Variants in ADAM22 observed in about 807,000 individuals in gnomAD.
ADAM22 encodes ADAM metallopeptidase domain 22.
ADAM22 carries 65 observed loss-of-function variants against 144.6 expected under a neutral mutation model. The ratio of observed to expected loss-of-function variants is 0.45; its 90% confidence interval spans 0.37 to 0.55. The LOEUF (loss-of-function observed/expected upper bound fraction) is 0.55, where lower values mean the gene tolerates loss of function less well. Among genes scored for constraint, ADAM22 ranks in the 20% least tolerant of loss-of-function variants. The pLI is 0.00. For missense variants in ADAM22, 974 were observed against 1,184.9 expected, an observed-to-expected ratio of 0.82 and a Z score of 2.61; for synonymous variants, 391 against 412.6, an observed-to-expected ratio of 0.95 and a Z score of 0.63.
intron 4 of ADAM22, among the ~76,000 whole-genome samples, chr7:88,095,529 A>T (rs996557039): frequency 1.3e-5 from 2 of 152,126 alleles, no homozygotes; most frequent in African/African-American, 4.8e-5. Context: ...ATAAAAACTG[A>T]TAGCCTTATA....
At chr7:88,063,669 T>C (rs1241954416) in intron 3 of ADAM22, among the ~76,000 whole-genome samples, 1 of 152,194 alleles carries the variant, frequency 6.6e-6, no homozygotes, top group Non-Finnish European at 1.5e-5. Context: ...CATACAATTT[T>C]GATGTTTTAG....
intron 3 of ADAM22, among the ~76,000 whole-genome samples, chr7:88,052,683 C>A (rs1371181081): frequency 6.6e-6 from 1 of 152,066 alleles, no homozygotes; most frequent in Non-Finnish European, 1.5e-5. Context: ...CCTTGTTTAT[C>A]TCTATTGTTC....
intron 3 of ADAM22, among the ~76,000 whole-genome samples, chr7:87,982,359 G>T (rs1023230526): frequency 1.2e-4 from 18 of 151,852 alleles, no homozygotes; most frequent in Non-Finnish European, 2.1e-4. Flanking sequence ...CATCTCTAAG[G>T]AGGTGACATT....
chr7:88,138,732 T>C (rs1469233929), intron 14 of ADAM22, among the ~76,000 whole-genome samples: 2 of 152,232 alleles, frequency 1.3e-5, no homozygotes, highest in Admixed American at 1.3e-4. Flanking sequence ...ACATGATATC[T>C]GCCTTCAGAT....
intron 4 of ADAM22, among the ~76,000 whole-genome samples, chr7:88,082,827 G>C (rs1254005356): frequency 6.6e-6 from 1 of 152,058 alleles, no homozygotes; most frequent in East Asian, 1.9e-4. Flanking sequence ...TCATTAAAAA[G>C]TCAGGAAACA....
At chr7:88,064,386 G>C (rs749228908) in intron 3 of ADAM22, among the ~76,000 whole-genome samples, 1 of 152,158 alleles carries the variant, frequency 6.6e-6, no homozygotes, top group Non-Finnish European at 1.5e-5. Context: ...GCATACCCTT[G>C]AGTAAATTAC....
In ADAM22 at chr7:88,153,214, G is replaced by A. The variant is rs762976931; in HGVS notation, c.1682-7G>A. The stretch of plus-strand genomic sequence containing the variant: ...CCTCACTGATAGAAAATTTTTTTCT[G>A]CCTTAGAGGTGACAGCATCAGACAA... On this transcript the variant is annotated splice_polypyrimidine_tract_variant and splice_region_variant and intron_variant, in intron 20 of 31. Coordinates refer to ENST00000413139, the MANE Select transcript of ADAM22 (RefSeq NM_001324418.2). 4 of 1,608,760 alleles carry A rather than the reference G, an allele frequency of 2.5e-6. No individual in the cohort carries two copies. Among genetic ancestry groups the A allele is most frequent in the South Asian group, 2.2e-5 (2 of 90,074 alleles).
intron 11 of ADAM22, 91 bp downstream of exon 11, chr7:88,131,526 A>G: frequency 7.3e-7 from 1 of 1,377,090 alleles, no homozygotes; most frequent in Non-Finnish European, 1.0e-6. Context: ...GCTACATAAC[A>G]CAATTAGGAT....
In ADAM22 at chr7:87,981,552, A is replaced by AGG. The variant is rs573279350; in HGVS notation, c.323+3142_323+3143dup. Among the ~76,000 whole-genome samples, 647 of 152,240 alleles carry AGG rather than the reference A, an allele frequency of 4.2e-3. 4 individuals carry two copies. Among genetic ancestry groups the AGG allele is most frequent in the South Asian group, 0.012 (60 of 4,818 alleles). ...GGGAGGTGGTGTGGGGATAGGGAAG[A>AGG]GGGAGAGAGAGAGAGAAGCAGAAGC... is the stretch of plus-strand genomic sequence containing the variant. On this transcript the variant is annotated intron_variant, in intron 3 of 31. Coordinates refer to ENST00000413139, the MANE Select transcript of ADAM22 (RefSeq NM_001324418.2).
At chr7:87,935,617 A>C (rs1043315881) in intron 2 of ADAM22, among the ~76,000 whole-genome samples, 1 of 152,222 alleles carries the variant, frequency 6.6e-6, no homozygotes, top group African/African-American at 2.4e-5. Context: ...TTGGAAAAAA[A>C]CAAGGCTAGA....
At chr7:88,039,464 A>AAAAAAAAAAAAAAATATATATATAT in intron 3 of ADAM22, among the ~76,000 whole-genome samples, 13 of 76,386 alleles carry the variant, frequency 1.7e-4, no homozygotes, top group East Asian at 5.3e-4. Flanking sequence ...AAAAAAAAAA[A>AAAAAAAAAAAAAAATATATATATAT]ATATATATAT....
rs867795288 is a variant in ADAM22 at position 88,113,723 on chromosome 7, T to A, written c.474-861T>A. On this transcript the variant is annotated intron_variant, in intron 5 of 31. Coordinates refer to ENST00000413139, the MANE Select transcript of ADAM22 (RefSeq NM_001324418.2). ...AAATAAATATATATATATATATATA[T>A]ATATATATATATATATAGTAAGTCC... 1.1e-3 allele frequency among the ~76,000 whole-genome samples: 131 copies of A among 118,630 alleles called. 5 individuals carry two copies. Among genetic ancestry groups the A allele is most frequent in the South Asian group, 9.0e-3 (32 of 3,560 alleles). 77.8% of individuals were successfully genotyped at this position (118,630 alleles called of 152,430 possible). A position where few individuals can be genotyped will look rare whatever the true frequency, so the allele number is the denominator to read the frequency against.
chr7:87,955,207 C>T (rs1846350579), intron 2 of ADAM22, among the ~76,000 whole-genome samples: 2 of 152,226 alleles, frequency 1.3e-5, no homozygotes, highest in South Asian at 4.1e-4. Context: ...GGAGGAGAGG[C>T]ACTCTGCTTT....
rs1485261224 is a variant in ADAM22, at chr7:88,053,862, G to A, written c.324-21764G>A. Among the ~76,000 whole-genome samples the A allele has an allele frequency of 2.0e-5, 3 of 152,122 alleles. No homozygotes were observed. In the East Asian group the frequency reaches 5.8e-4, roughly 29 times the overall value. On this transcript the variant is annotated intron_variant, in intron 3 of 31. Transcript: ENST00000413139. ...AATGGTGCTGTGGGCTGGGCATGGTGGTTTATGCCTGTAATCGCAGCACTT... is the reference window on the plus strand; with the variant it reads ...AATGGTGCTGTGGGCTGGGCATGGTAGTTTATGCCTGTAATCGCAGCACTT...
intron 4 of ADAM22, among the ~76,000 whole-genome samples, chr7:88,091,770 G>C (rs1166138614): frequency 1.3e-5 from 2 of 152,078 alleles, no homozygotes; most frequent in Admixed American, 6.6e-5. Context: ...TAATAGCAGA[G>C]GAATTAGAAT....
intron 2 of ADAM22, among the ~76,000 whole-genome samples, chr7:87,971,647 A>T (rs960267611): frequency 6.6e-6 from 1 of 152,210 alleles, no homozygotes; most frequent in African/African-American, 2.4e-5. Context: ...TTCAACTTAA[A>T]GTTAATAAAT....
intron 3 of ADAM22, among the ~76,000 whole-genome samples, chr7:88,059,917 T>G (rs1297644403): frequency 6.6e-6 from 1 of 152,076 alleles, no homozygotes; most frequent in African/African-American, 2.4e-5. Flanking sequence ...CTGGGTACTA[T>G]ATTTACTATT....
At chr7:88,106,258 T>G (rs1034306769) in intron 4 of ADAM22, among the ~76,000 whole-genome samples, 25 of 152,288 alleles carry the variant, frequency 1.6e-4, no homozygotes, top group African/African-American at 5.8e-4. Context: ...CAGTTCATGA[T>G]GATCAGTGGC....
At chr7:88,076,067 G>A (rs1814387316) in intron 4 of ADAM22, among the ~76,000 whole-genome samples, 1 of 152,096 alleles carries the variant, frequency 6.6e-6, no homozygotes, top group African/African-American at 2.4e-5. Flanking sequence ...CAGCTGGAGT[G>A]CAATGGCGCG....
Sources: allele counts gnomAD v4.1 joint callset (sites outside exome capture counted in the v4.1 genomes callset), GRCh38; gene constraint gnomAD v4.1.1; transcripts MANE v1.5; gene names NCBI Gene and HGNC (gene_info 2026-07-23, HGNC 2026-07-21).